The following DCST1 variants were observed in gnomAD, a reference collection of about 807,000 sequenced individuals.
DCST1 encodes DC-STAMP domain containing 1, also known as E3 ubiquitin-protein ligase DCST1.
DCST1 carries 78 observed loss-of-function variants against 89.1 expected under a neutral mutation model. That is an observed-to-expected ratio of 0.88 (90% confidence interval 0.73 to 1.06). The LOEUF (loss-of-function observed/expected upper bound fraction) is 1.06. Ranked by LOEUF, DCST1 falls within the 50% of genes least tolerant of loss-of-function variation. The probability of loss-of-function intolerance (pLI) is 0.00; values close to 1 mark genes in which losing one functional copy is unlikely to be tolerated. For synonymous variants in DCST1, 364 were observed against 371.9 expected (o/e 0.98, Z 0.24); for missense variants, 900 against 928.6 (o/e 0.97, Z 0.40).
In DCST1 at chr1:155,033,997, A is replaced by G. The variant is rs1660188295; in HGVS notation, c.-40A>G. 1 of 1,613,308 alleles carries G rather than the reference A, an allele frequency of 6.2e-7. No homozygotes were observed. The highest frequency in any genetic ancestry group is 1.3e-5 in the African/African-American group (1 of 74,896). ...AACCTTGTGTCCAAGGAGGTCCTTC[A>G]GGAGACCTGGGATGAGTGGTGCTTC... On this transcript the variant is annotated 5_prime_UTR_variant, in exon 2 of 17. Transcript: ENST00000295542.
chr1:155,047,109 C>A, intron 13 of DCST1, 87 bp from the exon 14 acceptor site: 1 of 1,061,700 alleles, frequency 9.4e-7, no homozygotes, highest in Non-Finnish European at 1.5e-6. Context: ...ATTTCTGTGT[C>A]TTGACCCCTC....
chr1:155,044,105 G>A (rs1660526956), intron 10 of DCST1, among the ~76,000 whole-genome samples: 1 of 152,224 alleles, frequency 6.6e-6, no homozygotes, highest in Non-Finnish European at 1.5e-5. Flanking sequence ...GGGGGGCCTA[G>A]AGTGACTGCA....
rs1660912275 is a variant in DCST1 at position 155,050,748 on chromosome 1, C to T, written c.2001C>T (p.Ala667=). The part of the protein sequence containing the change: ...SYVCRTLDCE[A]VYCWSCWDDM... ...TGTGCCGGACGCTGGACTGCGAGGC[C>T]GTGTACTGCTGGTCGTGCTGGGACG... is the stretch of plus-strand genomic sequence containing the variant. The change falls in exon 17 of 17, where the codon GCC becomes GCT. Residue 667 remains alanine, a synonymous_variant. Transcript: ENST00000295542. 1.2e-6 allele frequency: 2 copies of T among 1,611,208 alleles called. No individual in the cohort carries two copies. Among genetic ancestry groups the T allele is most frequent in the Non-Finnish European group, 1.7e-6 (2 of 1,179,004 alleles).
intron 14 of DCST1, 68 bp from the exon 15 acceptor site, chr1:155,047,719 A>T: frequency 6.9e-7 from 1 of 1,456,940 alleles, no homozygotes. Context: ...TGGGATGGGA[A>T]GTCCAACCCA....
chr1:155,043,682 A>G (rs2102357497), intron 10 of DCST1, among the ~76,000 whole-genome samples, 173 bp downstream of exon 10: 1 of 152,350 alleles, frequency 6.6e-6, no homozygotes, highest in African/African-American at 2.4e-5. Flanking sequence ...ATTTTGTCAG[A>G]AGAACATTAC....
At position 155,046,498 on chromosome 1, in the gene DCST1, C is replaced by T; in HGVS notation, c.1495+12C>T. ...GTACTCCTTCCGCAGTAAGCCCATCCCCCAGACACATTCCAGGCCCAAGAG... is the reference window on the plus strand; with the variant it reads ...GTACTCCTTCCGCAGTAAGCCCATCTCCCAGACACATTCCAGGCCCAAGAG... On this transcript the variant is annotated intron_variant, in intron 13 of 16. Coordinates refer to ENST00000295542, the MANE Select transcript of DCST1 (RefSeq NM_152494.4). The T allele has an allele frequency of 6.2e-7, 1 of 1,613,596 alleles. No individual in the cohort carries two copies.
At chr1:155,036,003 G>A (rs887383181) in intron 4 of DCST1, among the ~76,000 whole-genome samples, 3 of 142,804 alleles carry the variant, frequency 2.1e-5, no homozygotes, top group African/African-American at 7.9e-5. Flanking sequence ...TTTGAGGCCA[G>A]GGAAAAAGGA....
At chr1:155,034,861 C>A in intron 4 of DCST1, 134 bp downstream of exon 4, 1 of 939,680 alleles carries the variant, frequency 1.1e-6, no homozygotes, top group Non-Finnish European at 1.7e-6. Context: ...TCCTCCTGGG[C>A]TTTACGGGGA....
At chr1:155,048,440 A>C (rs1389164655) in intron 16 of DCST1, among the ~76,000 whole-genome samples, 1 of 152,230 alleles carries the variant, frequency 6.6e-6, no homozygotes, top group Non-Finnish European at 1.5e-5. Context: ...CCAGGATTAC[A>C]GGCACACGCC....
rs1185302775 is a variant in DCST1, at chr1:155,034,572, A to G, written c.187+12A>G. The G allele has an allele frequency of 6.2e-7, 1 of 1,613,960 alleles. No homozygotes were observed. The highest frequency in any genetic ancestry group is 1.7e-5 in the Admixed American group (1 of 60,016). ...GCTCCTGGCCATAGGTGAGTGTGGA[A>G]GCAGAAAGTTCGGGGTGGGCAGAGG... On this transcript the variant is annotated intron_variant, in intron 3 of 16. Transcript: ENST00000295542.
chr1:155,045,875 C>T lies in DCST1; in HGVS notation c.1173-18C>T. The T allele has an allele frequency of 6.2e-7, 1 of 1,604,738 alleles. No individual in the cohort carries two copies. Among genetic ancestry groups the T allele is most frequent in the African/African-American group, 1.3e-5 (1 of 74,846 alleles). ...GAACCTGGAAGAGATGGAGACATCCCTGCCCATCCACCCACAGGTCTTTCT... is the reference window on the plus strand; with the variant it reads ...GAACCTGGAAGAGATGGAGACATCCTTGCCCATCCACCCACAGGTCTTTCT... On this transcript the variant is annotated intron_variant, in intron 10 of 16. Coordinates refer to ENST00000295542, the MANE Select transcript of DCST1 (RefSeq NM_152494.4).
chr1:155,047,315 G>A lies in DCST1; in HGVS notation c.1612+3G>A. On this transcript the variant is annotated splice_donor_region_variant and intron_variant, in intron 14 of 16. Coordinates refer to ENST00000295542, the MANE Select transcript of DCST1 (RefSeq NM_152494.4). ...AGTGATGGAATCAAACAACATGCGT[G>A]AGTGATGCTGAAAGTTTGGATCAGA... The A allele has an allele frequency of 3.7e-6, 6 of 1,608,896 alleles. No homozygotes were observed. Among genetic ancestry groups the A allele is most frequent in the Non-Finnish European group, 4.3e-6 (5 of 1,175,638 alleles).
At position 155,046,463 on chromosome 1, in the gene DCST1, C is replaced by T. The variant is rs757272623; in HGVS notation, c.1472C>T (p.Ser491Phe). 3 of 1,614,080 alleles carry T rather than the reference C, an allele frequency of 1.9e-6. No homozygotes were observed. Among genetic ancestry groups the T allele is most frequent in the East Asian group, 2.2e-5 (1 of 44,882 alleles). ...YSIFDTIRHH[S>F]FLQYSFRSSH... ...ATCTTCGACACCATCCGCCACCACT[C>T]CTTCCTGCAGTACTCCTTCCGCAGT... The change falls in exon 13 of 17, where the codon TCC (serine) becomes TTC (phenylalanine). Residue 491 changes from serine (S) to phenylalanine (F), a missense_variant. By Grantham distance (155) the Ser-to-Phe change is radical. Coordinates refer to ENST00000295542, the MANE Select transcript of DCST1 (RefSeq NM_152494.4).
At chr1:155,041,289 C>A in intron 6 of DCST1, 108 bp from the exon 7 acceptor site, 2 of 1,160,790 alleles carry the variant, frequency 1.7e-6, no homozygotes, top group Non-Finnish European at 1.2e-6. Context: ...CCCTGTCGGC[C>A]TGGGGTGAGA....
At chr1:155,034,383 C>A in intron 2 of DCST1, 52 bp from the exon 3 acceptor site, 1 of 1,612,844 alleles carries the variant, frequency 6.2e-7, no homozygotes, top group South Asian at 1.1e-5. Flanking sequence ...TCCTAATGAG[C>A]CCCATCCCAG....
chr1:155,041,106 G>A (rs1458383750), intron 6 of DCST1, among the ~76,000 whole-genome samples: 3 of 152,130 alleles, frequency 2.0e-5, no homozygotes, highest in Admixed American at 6.5e-5. Flanking sequence ...AGGACCTGGG[G>A]AACCACTGAC....
In DCST1 at chr1:155,041,582, G is replaced by A. The variant is rs1238551221; in HGVS notation, c.717G>A (p.Met239Ile). 1.2e-6 allele frequency: 2 copies of A among 1,613,918 alleles called. No individual in the cohort carries two copies. Among genetic ancestry groups the A allele is most frequent in the Non-Finnish European group, 1.7e-6 (2 of 1,179,852 alleles). The change falls in exon 7 of 17, where the codon ATG becomes ATA. Residue 239 changes from methionine (M) to isoleucine (I), a missense_variant. Coordinates refer to ENST00000295542, the MANE Select transcript of DCST1 (RefSeq NM_152494.4). ...ASRLHLSTQK[M>I]YELKTKLRCS... is the part of the protein sequence containing the mutation. ...GACTCCACCTGTCGACACAGAAGAT[G>A]TATGAGCTGAAGACCAAGCTGCGTT...
At position 155,039,506 on chromosome 1, in the gene DCST1, A is replaced by T. The variant is rs775034264; in HGVS notation, c.366A>T (p.Gly122=). The change falls in exon 5 of 17, where the codon GGA becomes GGT. Residue 122 remains glycine, a synonymous_variant. Coordinates refer to ENST00000295542, the MANE Select transcript of DCST1 (RefSeq NM_152494.4). ...AGGAAGGCAGGCTCTTTGTCCTGGG[A>T]TACGCCTTGGCTGCCATCTATGTGG... is the stretch of plus-strand genomic sequence containing the variant. The part of the protein sequence containing the change: ...LGKEGRLFVL[G]YALAAIYVGP... The T allele has an allele frequency of 2.5e-6, 4 of 1,601,280 alleles. No individual in the cohort carries two copies. Among genetic ancestry groups the T allele is most frequent in the Non-Finnish European group, 2.6e-6 (3 of 1,173,478 alleles).
intron 8 of DCST1, 149 bp downstream of exon 8, chr1:155,042,006 A>T: frequency 1.8e-6 from 2 of 1,112,384 alleles, no homozygotes; most frequent in Non-Finnish European, 2.5e-6. Flanking sequence ...CCTGCTGAAT[A>T]GCTCTGTGAC....
Sources: allele counts gnomAD v4.1 joint callset (sites outside exome capture counted in the v4.1 genomes callset), GRCh38; gene constraint gnomAD v4.1.1; transcripts MANE v1.5; gene names NCBI Gene and HGNC (gene_info 2026-07-23, HGNC 2026-07-21).